TM2D1: variants seen among roughly 807,000 people sequenced by gnomAD.
The protein encoded by TM2D1 is TM2 domain-containing protein 1.
Under a neutral mutation model 28.4 loss-of-function variants are expected in TM2D1, and 15 were observed. That is an observed-to-expected ratio of 0.53 (90% CI 0.35 to 0.81). The LOEUF (loss-of-function observed/expected upper bound fraction) is 0.81, where lower values mean the gene tolerates loss of function less well. Ranked by LOEUF, TM2D1 falls within the 40% of genes least tolerant of loss-of-function variation. The pLI is 0.01. For missense variants in TM2D1, 236 were observed against 254.9 expected (o/e 0.93, Z 0.50); for synonymous variants, 93 against 96.2 (o/e 0.97, Z 0.20).
chr1:61,714,158 G>A (rs1426353919), intron 2 of TM2D1, among the ~76,000 whole-genome samples: 1 of 146,816 alleles, frequency 6.8e-6, no homozygotes, highest in Non-Finnish European at 1.5e-5. Context: ...GCCTCCCAAA[G>A]TGCTGGGATT....
intron 5 of TM2D1, among the ~76,000 whole-genome samples, chr1:61,688,222 T>G (rs1014006112): frequency 1.3e-5 from 2 of 152,218 alleles, no homozygotes; most frequent in African/African-American, 4.8e-5. Flanking sequence ...AAGATATTCT[T>G]TGTTTTGAAA....
intron 4 of TM2D1, chr1:61,699,734 T>G (rs1042257971): frequency 2.0e-5 from 3 of 152,634 alleles, no homozygotes; most frequent in African/African-American, 4.8e-5. Flanking sequence ...TACCATAAAT[T>G]GGCCTACTAA....
chr1:61,702,649 T>G (rs1644410294), intron 3 of TM2D1, among the ~76,000 whole-genome samples: 1 of 151,384 alleles, frequency 6.6e-6, no homozygotes, highest in South Asian at 2.1e-4. Context: ...ATTACAGGAA[T>G]GAGCCACCAT....
At chr1:61,712,489 C>T (rs1644485959) in intron 2 of TM2D1, among the ~76,000 whole-genome samples, 1 of 152,188 alleles carries the variant, frequency 6.6e-6, no homozygotes, top group East Asian at 1.9e-4. Flanking sequence ...CAGCTCACTG[C>T]AACCTCCGTC....
intron 5 of TM2D1, among the ~76,000 whole-genome samples, chr1:61,692,669 G>C (rs759206017): frequency 1.1e-4 from 16 of 152,182 alleles, no homozygotes; most frequent in Non-Finnish European, 1.8e-4. Flanking sequence ...GCTGAGATGA[G>C]AGGATCGCTT....
chr1:61,715,508 C>G (rs1304255368), intron 2 of TM2D1, among the ~76,000 whole-genome samples: 1 of 151,372 alleles, frequency 6.6e-6, no homozygotes, highest in Non-Finnish European at 1.5e-5. Context: ...ATTAGCCAGG[C>G]ATGGTGACCT....
intron 4 of TM2D1, among the ~76,000 whole-genome samples, chr1:61,696,542 CAAAA>C (rs10710571): frequency 1.3e-4 from 16 of 121,612 alleles, no homozygotes; most frequent in Admixed American, 2.5e-4. Flanking sequence ...AACCTTGTCT[CAAAA>C]AAAAAAAAAA....
chr1:61,715,645 C>CAAAAAAAAAAAAAAA (rs759796747), intron 2 of TM2D1, among the ~76,000 whole-genome samples: 2 of 16,426 alleles, frequency 1.2e-4, no homozygotes, highest in Non-Finnish European at 2.5e-4. Flanking sequence ...AAGACTGTCT[C>CAAAAAAAAAAAAAAA]AAAAAAAAAA....
chr1:61,701,897 A>G (rs1353238243), intron 3 of TM2D1, among the ~76,000 whole-genome samples: 1 of 152,182 alleles, frequency 6.6e-6, no homozygotes, highest in Non-Finnish European at 1.5e-5. Context: ...GGAGAAGTCA[A>G]GAATGACTCC....
At chr1:61,686,027 G>A (rs1051086044) in intron 5 of TM2D1, among the ~76,000 whole-genome samples, 4 of 152,000 alleles carry the variant, frequency 2.6e-5, no homozygotes, top group African/African-American at 7.2e-5. Flanking sequence ...ACCAAATTAA[G>A]TCGGTGTGGT....
chr1:61,713,247 G>A (rs893290735), intron 2 of TM2D1, among the ~76,000 whole-genome samples: 18 of 152,056 alleles, frequency 1.2e-4, no homozygotes, highest in African/African-American at 4.1e-4. Flanking sequence ...GGAGGCCGAG[G>A]CAGGTGAATT....
At chr1:61,685,541 A>G (rs74076133) in intron 5 of TM2D1, among the ~76,000 whole-genome samples, 2,621 of 152,350 alleles carry the variant, frequency 0.017, 69 homozygotes, top group African/African-American at 0.06. Context: ...TATGCTAGAC[A>G]TTATACACTA....
chr1:61,705,816 A>G (rs1462932064), intron 3 of TM2D1, among the ~76,000 whole-genome samples: 3 of 152,338 alleles, frequency 2.0e-5, no homozygotes, highest in African/African-American at 7.2e-5. Flanking sequence ...TAATACTAAC[A>G]TAGATGGCCA....
chr1:61,709,774 T>C (rs1644464240), intron 2 of TM2D1, among the ~76,000 whole-genome samples: 1 of 152,192 alleles, frequency 6.6e-6, no homozygotes, highest in Admixed American at 6.5e-5. Context: ...GAATTAAGAA[T>C]ACCTCTCAAA....
chr1:61,705,382 T>C (rs1644433352), intron 3 of TM2D1, among the ~76,000 whole-genome samples: 1 of 151,926 alleles, frequency 6.6e-6, no homozygotes, highest in South Asian at 2.1e-4. Context: ...AACGGGGTTT[T>C]ACCATATTGG....
chr1:61,685,328 A>G, intron 5 of TM2D1, among the ~76,000 whole-genome samples: 1 of 152,352 alleles, frequency 6.6e-6, no homozygotes, highest in South Asian at 2.1e-4. Context: ...AAATATGTAA[A>G]TATTTGCAAA....
At chr1:61,697,388 T>C (rs1191743310) in intron 4 of TM2D1, 1 of 151,878 alleles carries the variant, frequency 6.6e-6, no homozygotes, top group East Asian at 1.9e-4. Flanking sequence ...GGTCTCACTA[T>C]TTCCAAGGGT....
At chr1:61,713,575 T>C (rs1315589256) in intron 2 of TM2D1, among the ~76,000 whole-genome samples, 2 of 151,944 alleles carry the variant, frequency 1.3e-5, no homozygotes, top group Non-Finnish European at 2.9e-5. Context: ...TTAAATCTTT[T>C]CATATCCTCA....
intron 3 of TM2D1, among the ~76,000 whole-genome samples, chr1:61,704,089 C>G (rs1644424047): frequency 6.6e-6 from 1 of 151,832 alleles, no homozygotes; most frequent in Non-Finnish European, 1.5e-5. Flanking sequence ...GGGTTTTCAC[C>G]ATGTTGTCCA....
Sources: gnomAD v4.1 joint callset for allele counts (sites outside exome capture counted in the v4.1 genomes callset) on GRCh38, gnomAD v4.1.1 for gene constraint, MANE v1.5 for transcripts, NCBI Gene and HGNC (gene_info 2026-07-23, HGNC 2026-07-21) for gene names.